SLC1A1: variants seen among roughly 807,000 people sequenced by gnomAD.
SLC1A1 encodes solute carrier family 1 member 1, also known as excitatory amino acid transporter 3.
Under a neutral mutation model 53.3 loss-of-function variants are expected in SLC1A1, and 43 were observed. The ratio of observed to expected loss-of-function variants is 0.81; its 90% CI spans 0.63 to 1.04. The LOEUF is 1.04. Among genes scored for constraint, SLC1A1 ranks in the 50% least tolerant of loss-of-function variants. SLC1A1 has a pLI of 0.00. For missense variants in SLC1A1, 748 were observed against 664.9 expected (o/e 1.12, Z -1.37); for synonymous variants, 307 against 243.2 (o/e 1.26, Z -2.44).
rs1564072282 is a variant in SLC1A1, at chr9:4,585,381, CAAG to C, written c.1402_1404del (p.Lys468del). ...GGACGGGCATTGTGGAAAAGCTCTCCAAGAAGGAGCTGGAGCAGATGGATGTTT... is the reference window on the plus strand; with the variant it reads ...GGACGGGCATTGTGGAAAAGCTCTCCAAGGAGCTGGAGCAGATGGATGTTT... On this transcript the variant is annotated inframe_deletion, in exon 12 of 12. Transcript: ENST00000262352. 5 of 1,614,178 alleles carry C rather than the reference CAAG, an allele frequency of 3.1e-6. No individual in the cohort carries two copies. The highest frequency in any genetic ancestry group is 4.2e-6 in the Non-Finnish European group (5 of 1,180,022).
intron 7 of SLC1A1, 51 bp from the exon 8 acceptor site, chr9:4,573,856 T>G: frequency 1.0e-5 from 13 of 1,285,450 alleles, no homozygotes; most frequent in Non-Finnish European, 1.5e-5. Flanking sequence ...CAACCTAGCA[T>G]GAGAAAGCAC....
intron 1 of SLC1A1, among the ~76,000 whole-genome samples, chr9:4,496,898 T>C (rs988094188): frequency 3.3e-5 from 5 of 152,056 alleles, no homozygotes; most frequent in Non-Finnish European, 7.4e-5. Context: ...ATCCTGTCTC[T>C]GAAAAATAAT....
Position 4,564,434 on chromosome 9 carries a change from T to G in SLC1A1, c.416T>G (p.Val139Gly). Reference protein sequence around the residue: ...RTGSTPEVSTVDAMLDLIRNM... With the variant: ...RTGSTPEVSTGDAMLDLIRNM... ...GGCAGCACCCCTGAAGTCAGTACGG[T>G]GGATGCCATGTTAGATCTCATCAGG... is the stretch of plus-strand genomic sequence containing the variant. The change falls in exon 4 of 12, where the codon GTG (valine) becomes GGG (glycine). Residue 139 changes from valine (V) to glycine (G), a missense_variant. Val to Gly is a moderately radical substitution (Grantham distance 109). Transcript: ENST00000262352. 1 of 1,611,986 alleles carries G rather than the reference T, an allele frequency of 6.2e-7. No homozygotes were observed. The highest frequency in any genetic ancestry group is 8.5e-7 in the Non-Finnish European group (1 of 1,178,446).
chr9:4,571,370 TAA>T (rs1211710421), intron 6 of SLC1A1, among the ~76,000 whole-genome samples: 2 of 152,036 alleles, frequency 1.3e-5, no homozygotes, highest in Admixed American at 6.6e-5. Context: ...CCCCTGAATG[TAA>T]AAGTTTTTTT....
chr9:4,521,445 A>T (rs2130831612), intron 1 of SLC1A1, among the ~76,000 whole-genome samples: 1 of 152,298 alleles, frequency 6.6e-6, no homozygotes, highest in South Asian at 2.1e-4. Flanking sequence ...CTGTGGTCAC[A>T]TCTGGTATAG....
chr9:4,506,698 C>A (rs566642404), intron 1 of SLC1A1, among the ~76,000 whole-genome samples: 1 of 152,138 alleles, frequency 6.6e-6, no homozygotes, highest in Admixed American at 6.5e-5. Flanking sequence ...GATCTAGAAC[C>A]CTGAAGTTAT....
rs554234923 is a variant in SLC1A1, at chr9:4,528,501, G to A, written c.92-16066G>A. Among the ~76,000 whole-genome samples the A allele has an allele frequency of 1.1e-3, 174 of 152,228 alleles. 1 individual carries two copies. Among genetic ancestry groups the A allele is most frequent in the African/African-American group, 3.7e-3 (152 of 41,554 alleles). On this transcript the variant is annotated intron_variant, in intron 1 of 11. Transcript: ENST00000262352. ...TGAGGCAGGAGAATGGCGTGAACCCGGGAGGCGGAGGTTGCAGTGAGCCAA... is the reference window on the plus strand; with the variant it reads ...TGAGGCAGGAGAATGGCGTGAACCCAGGAGGCGGAGGTTGCAGTGAGCCAA...
At chr9:4,540,080 G>A (rs1816873952) in intron 1 of SLC1A1, among the ~76,000 whole-genome samples, 1 of 152,000 alleles carries the variant, frequency 6.6e-6, no homozygotes. Context: ...CCCATCATGT[G>A]CCCATAAAAA....
At chr9:4,522,193 AG>A (rs1173098782) in intron 1 of SLC1A1, among the ~76,000 whole-genome samples, 22 of 151,570 alleles carry the variant, frequency 1.5e-4, no homozygotes, top group African/African-American at 5.3e-4. Flanking sequence ...CTGGGACTAC[AG>A]GCGCCCACCA....
At chr9:4,547,103 T>C (rs1270400612) in intron 2 of SLC1A1, among the ~76,000 whole-genome samples, 1 of 152,248 alleles carries the variant, frequency 6.6e-6, no homozygotes, top group Non-Finnish European at 1.5e-5. Flanking sequence ...CATGCCACTC[T>C]TGACAGTCAA....
intron 2 of SLC1A1, among the ~76,000 whole-genome samples, chr9:4,548,917 T>C (rs1817701207): frequency 6.6e-6 from 1 of 152,168 alleles, no homozygotes; most frequent in African/African-American, 2.4e-5. Context: ...CTGAGGAATA[T>C]CTGTGTTTGG....
rs1300169650 is a variant in SLC1A1 at position 4,556,183 on chromosome 9, G to GT, written c.233-5259dup. On this transcript the variant is annotated intron_variant, in intron 2 of 11. Coordinates refer to ENST00000262352, the MANE Select transcript of SLC1A1 (RefSeq NM_004170.6). This position sits in a 1 kb window ranked among gnomAD's most constrained non-coding sequence, Gnocchi z 4.1. Reference sequence around the variant, plus strand: ...TGTGTGTGTGTGTGGTTTTGTTTTTGTTTTTTTGTTTTTTTAAGTAGAGAT... The same window carrying GT: ...TGTGTGTGTGTGTGGTTTTGTTTTTGTTTTTTTTGTTTTTTTAAGTAGAGAT... 4.0e-5 allele frequency among the ~76,000 whole-genome samples: 6 copies of GT among 151,686 alleles called. No individual in the cohort carries two copies. Among genetic ancestry groups the GT allele is most frequent in the East Asian group, 1.9e-4 (1 of 5,144 alleles).
At chr9:4,496,439 T>C (rs1160730947) in intron 1 of SLC1A1, among the ~76,000 whole-genome samples, 1 of 151,994 alleles carries the variant, frequency 6.6e-6, no homozygotes, top group Non-Finnish European at 1.5e-5. Context: ...AGGCTGGTCT[T>C]GAATGCCTGG....
At chr9:4,548,964 G>A (rs978834813) in intron 2 of SLC1A1, among the ~76,000 whole-genome samples, 1 of 152,276 alleles carries the variant, frequency 6.6e-6, no homozygotes, top group African/African-American at 2.4e-5. Flanking sequence ...CCGTATTTAT[G>A]TCAAAGCACC....
chr9:4,576,890 C>G (rs966788409), intron 10 of SLC1A1, 127 bp downstream of exon 10: 1 of 914,346 alleles, frequency 1.1e-6, no homozygotes, highest in African/African-American at 1.6e-5. Flanking sequence ...AAAGTCCCTT[C>G]CCAAGATTAA....
At chr9:4,511,456 C>T (rs905112495) in intron 1 of SLC1A1, among the ~76,000 whole-genome samples, 2 of 152,092 alleles carry the variant, frequency 1.3e-5, no homozygotes, top group African/African-American at 4.8e-5. Context: ...AACACCATCA[C>T]ATTGATGATT....
Position 4,508,420 on chromosome 9 carries a change from G to A in SLC1A1, c.91+17650G>A, listed in dbSNP as rs558057121. Among the ~76,000 whole-genome samples, 3 of 152,082 alleles carry A rather than the reference G, an allele frequency of 2.0e-5. No individual in the cohort carries two copies. In the South Asian group the frequency reaches 6.2e-4, roughly 32 times the overall value. On this transcript the variant is annotated intron_variant, in intron 1 of 11. Transcript: ENST00000262352. ...CTCTAAGCCAGTTGGATATTTGCTC[G>A]AGAGACTAGATTCCTGTGGGCTGGT...
rs370617935 is a variant in SLC1A1, at chr9:4,545,017, A to G, written c.232+310A>G. On this transcript the variant is annotated intron_variant, in intron 2 of 11. Transcript: ENST00000262352. ...TGGGAGAAACTGCCACTATGATTCA[A>G]TTACCTCCACCTGGTCTCTCCCTTG... Among the ~76,000 whole-genome samples the G allele has an allele frequency of 2.9e-4, 44 of 152,310 alleles. No homozygotes were observed. In the East Asian group the frequency reaches 3.3e-3, roughly 11 times the overall value.
rs147087060 is a variant in SLC1A1 at position 4,552,794 on chromosome 9, T to C, written c.232+8087T>C. ...AAATATGGATAATAATAATGTTTCA[T>C]AGAACATCTAGAATGCCATACAATT... On this transcript the variant is annotated intron_variant, in intron 2 of 11. Transcript: ENST00000262352. 8.0e-3 allele frequency among the ~76,000 whole-genome samples: 1,219 copies of C among 151,498 alleles called. 14 individuals are homozygous for C. The highest frequency in any genetic ancestry group is 0.027 in the African/African-American group (1,095 of 41,228).
Sources: gnomAD v4.1 joint callset for allele counts (sites outside exome capture counted in the v4.1 genomes callset) on GRCh38, gnomAD v4.1.1 for gene constraint, Gnocchi (gnomAD v3.1) non-coding constraint, MANE v1.5 for transcripts, NCBI Gene and HGNC (gene_info 2026-07-23, HGNC 2026-07-21) for gene names.